Variants in ADGRB3 observed in about 807,000 individuals in gnomAD.
The protein encoded by ADGRB3 is brain-specific angiogenesis inhibitor 3.
ADGRB3 carries 37 observed loss-of-function variants against 193.4 expected under a neutral mutation model. That is an observed-to-expected ratio of 0.19 (90% confidence interval 0.15 to 0.25). The LOEUF (loss-of-function observed/expected upper bound fraction) is 0.25, where lower values mean the gene tolerates loss of function less well. ADGRB3 is among the 10% of genes least tolerant of loss of function. ADGRB3 has a pLI of 1.00. For missense variants in ADGRB3, 1,637 were observed against 1,852.9 expected, an observed-to-expected ratio of 0.88 and a Z score of 2.14; for synonymous variants, 690 against 644.2, an observed-to-expected ratio of 1.07 and a Z score of -1.08.
chr6:68,813,226 G>A (rs1350349122), intron 3 of ADGRB3, among the ~76,000 whole-genome samples: 1 of 152,080 alleles, frequency 6.6e-6, no homozygotes, highest in African/African-American at 2.4e-5. Flanking sequence ...CATGTAAGAA[G>A]TGCCTTTGAC....
intron 3 of ADGRB3, among the ~76,000 whole-genome samples, chr6:68,673,012 T>C (rs980692844): frequency 6.6e-6 from 1 of 151,912 alleles, no homozygotes; most frequent in Non-Finnish European, 1.5e-5. Flanking sequence ...GAGCCAAAAT[T>C]CCTTAAACTG....
chr6:68,837,897 C>A lies in ADGRB3; in HGVS notation c.758-92662C>A, dbSNP rs933400293. On this transcript the variant is annotated intron_variant, in intron 3 of 31. Transcript: ENST00000370598. ...AAAATATATTTATAGTAGGAACTACCAAACATTATCTCAAGCTGAGCTATA... is the reference window on the plus strand; with the variant it reads ...AAAATATATTTATAGTAGGAACTACAAAACATTATCTCAAGCTGAGCTATA... 6.6e-5 allele frequency among the ~76,000 whole-genome samples: 10 copies of A among 152,096 alleles called. 1 individual carries two copies. The South Asian group carries it at 2.1e-3, about 32-fold the overall frequency.
intron 3 of ADGRB3, among the ~76,000 whole-genome samples, chr6:68,718,756 C>T (rs1765526377): frequency 6.6e-6 from 1 of 151,738 alleles, no homozygotes; most frequent in Non-Finnish European, 1.5e-5. Flanking sequence ...ATTTTACCTA[C>T]TGTGTAAGTG....
intron 17 of ADGRB3, among the ~76,000 whole-genome samples, chr6:69,084,065 A>G (rs1384900989): frequency 6.6e-6 from 1 of 152,004 alleles, no homozygotes; most frequent in East Asian, 1.9e-4. Context: ...ATGAGCCACT[A>G]TGCCTGGTCT....
chr6:69,300,394 T>C (rs1767923980), intron 20 of ADGRB3, among the ~76,000 whole-genome samples: 1 of 151,808 alleles, frequency 6.6e-6, no homozygotes, highest in South Asian at 2.1e-4. Flanking sequence ...GCATTTCCTC[T>C]AAGATCATGA....
intron 20 of ADGRB3, among the ~76,000 whole-genome samples, chr6:69,278,475 A>T (rs1450367243): frequency 6.6e-6 from 1 of 152,118 alleles, no homozygotes; most frequent in Non-Finnish European, 1.5e-5. Flanking sequence ...CTTGTACATT[A>T]TTCCCCCCCA....
intron 11 of ADGRB3, among the ~76,000 whole-genome samples, chr6:68,996,670 C>T (rs1300303830): frequency 6.6e-6 from 1 of 152,154 alleles, no homozygotes; most frequent in African/African-American, 2.4e-5. Flanking sequence ...CTATCTCAAT[C>T]TGCTGTTGAA....
At chr6:69,286,752 T>G (rs778328512) in intron 20 of ADGRB3, among the ~76,000 whole-genome samples, 2 of 152,082 alleles carry the variant, frequency 1.3e-5, no homozygotes, top group Non-Finnish European at 2.9e-5. Context: ...TCCACCTAAC[T>G]CTTAGGAAAC....
intron 3 of ADGRB3, among the ~76,000 whole-genome samples, chr6:68,881,265 C>T (rs933770392): frequency 1.3e-5 from 2 of 151,668 alleles, no homozygotes; most frequent in South Asian, 4.2e-4. Context: ...AAATACAAAT[C>T]TTGCCTCCTT....
chr6:68,886,389 TA>T, intron 3 of ADGRB3, among the ~76,000 whole-genome samples: 1 of 152,238 alleles, frequency 6.6e-6, no homozygotes, highest in East Asian at 1.9e-4. Context: ...ACTTGGGCAA[TA>T]ATGACCCCCA....
intron 17 of ADGRB3, chr6:69,233,064 C>T (rs1206104342): frequency 1.7e-6 from 1 of 575,040 alleles, no homozygotes; most frequent in African/African-American, 1.9e-5. Context: ...CGGCGCTGGA[C>T]AGCTCTCTGC....
intron 3 of ADGRB3, among the ~76,000 whole-genome samples, chr6:68,698,131 A>G (rs984407772): frequency 3.3e-5 from 5 of 151,864 alleles, no homozygotes; most frequent in African/African-American, 7.2e-5. Context: ...TATAATATAT[A>G]TTATAAATAT....
rs369598608 is a variant in ADGRB3 at position 68,887,291 on chromosome 6, A to T, written c.758-43268A>T. On this transcript the variant is annotated intron_variant, in intron 3 of 31. Transcript: ENST00000370598. ...AACAATAGAAAAAATGGGCTTAACC[A>T]TTGATACGTATCCTTGCAGTCTATT... Among the ~76,000 whole-genome samples the T allele has an allele frequency of 1.2e-4, 19 of 152,172 alleles. No homozygotes were observed. In the East Asian group the frequency reaches 3.7e-3, roughly 29 times the overall value.
At chr6:69,165,039 C>G (rs1260482905) in intron 17 of ADGRB3, among the ~76,000 whole-genome samples, 1 of 151,896 alleles carries the variant, frequency 6.6e-6, no homozygotes, top group Non-Finnish European at 1.5e-5. Flanking sequence ...AGTCTCCTTA[C>G]TGCTCACTCC....
At chr6:68,697,785 A>G (rs1765180931) in intron 3 of ADGRB3, among the ~76,000 whole-genome samples, 1 of 151,952 alleles carries the variant, frequency 6.6e-6, no homozygotes, top group African/African-American at 2.4e-5. Flanking sequence ...CAGATATAGG[A>G]CTAGCTCTTT....
intron 2 of ADGRB3, among the ~76,000 whole-genome samples, 158 bp downstream of exon 2, chr6:68,637,720 T>A (rs549231226): frequency 3.3e-4 from 50 of 152,276 alleles, no homozygotes; most frequent in Non-Finnish European, 6.0e-4. Flanking sequence ...TTTATTACCA[T>A]GTGTAAGCCT....
At chr6:68,642,209 T>A (rs1768099421) in intron 3 of ADGRB3, among the ~76,000 whole-genome samples, 2 of 152,192 alleles carry the variant, frequency 1.3e-5, no homozygotes, top group African/African-American at 4.8e-5. Flanking sequence ...TCAACATGTA[T>A]TGTACCATAG....
rs148979455 is a variant in ADGRB3, at chr6:68,940,845, T to C, written c.1031-2985T>C. Among the ~76,000 whole-genome samples the C allele has an allele frequency of 3.3e-3, 495 of 152,170 alleles. 7 individuals carry two copies. Among genetic ancestry groups the C allele is most frequent in the African/African-American group, 0.011 (469 of 41,536 alleles). Reference sequence around the variant, plus strand: ...AGGCAGAGATTGCAGTGAGCCGAGATCGTGCCACTGCACTCCAGCCTGGGC... The same window carrying C: ...AGGCAGAGATTGCAGTGAGCCGAGACCGTGCCACTGCACTCCAGCCTGGGC... On this transcript the variant is annotated intron_variant, in intron 5 of 31. Coordinates refer to ENST00000370598, the MANE Select transcript of ADGRB3 (RefSeq NM_001704.3).
intron 3 of ADGRB3, among the ~76,000 whole-genome samples, chr6:68,892,692 C>T (rs1257481299): frequency 6.6e-6 from 1 of 152,038 alleles, no homozygotes; most frequent in East Asian, 1.9e-4. Flanking sequence ...AATACCAATA[C>T]GAATATGTAA....
Sources: allele counts gnomAD v4.1 joint callset (sites outside exome capture counted in the v4.1 genomes callset), GRCh38; gene constraint gnomAD v4.1.1; transcripts MANE v1.5; gene names NCBI Gene and HGNC (gene_info 2026-07-23, HGNC 2026-07-21).